Variants in DOCK1 observed in about 807,000 individuals in gnomAD.
DOCK1 encodes dedicator of cytokinesis protein 1.
Under a neutral mutation model 262.7 loss-of-function variants are expected in DOCK1, and 138 were observed. The ratio of observed to expected loss-of-function variants is 0.53; its 90% confidence interval spans 0.46 to 0.61. DOCK1 has a LOEUF of 0.61. Among genes scored for constraint, DOCK1 ranks in the 20% least tolerant of loss-of-function variants. The pLI is 0.00. For synonymous variants in DOCK1, 866 were observed against 867.4 expected (o/e 1.00, Z 0.03); for missense variants, 1,908 against 2,370.7 (o/e 0.80, Z 4.05).
At chr10:127,011,580 C>T (rs773922981) in intron 11 of DOCK1, among the ~76,000 whole-genome samples, 7 of 152,176 alleles carry the variant, frequency 4.6e-5, no homozygotes, top group African/African-American at 7.2e-5. Context: ...TCTCGTACAG[C>T]GCAGCATCTG....
chr10:126,998,085 T>A lies in DOCK1; in HGVS notation c.610-7T>A, dbSNP rs1554969092. On this transcript the variant is annotated splice_polypyrimidine_tract_variant and splice_region_variant and intron_variant, in intron 7 of 51. Coordinates refer to ENST00000623213, the MANE Select transcript of DOCK1 (RefSeq NM_001290223.2). ...GGGGTTGACTTTCTGTTTCCTTCCA[T>A]ACACAGTCTCAAAAGCAGAACATAG... is the stretch of plus-strand genomic sequence containing the variant. 1 of 1,613,972 alleles carries A rather than the reference T, an allele frequency of 6.2e-7. No individual in the cohort carries two copies. Among genetic ancestry groups the A allele is most frequent in the Non-Finnish European group, 8.5e-7 (1 of 1,179,858 alleles).
At chr10:127,190,928 G>A (rs183419204) in intron 27 of DOCK1, among the ~76,000 whole-genome samples, 8 of 151,910 alleles carry the variant, frequency 5.3e-5, no homozygotes, top group South Asian at 2.1e-4. Flanking sequence ...TAGTTATACC[G>A]CCTTAATCTT....
Position 127,262,133 on chromosome 10 carries a change from C to T in DOCK1, c.3044+4704C>T, listed in dbSNP as rs541915051. 2.4e-3 allele frequency among the ~76,000 whole-genome samples: 247 copies of T among 102,530 alleles called. 2 individuals are homozygous for T. The highest frequency in any genetic ancestry group is 8.8e-3 in the African/African-American group (221 of 25,188). The allele number at this position is 102,530 out of a possible 152,430, so 67.3% of individuals were successfully genotyped here. A position where few individuals can be genotyped will look rare whatever the true frequency, so the allele number is the denominator to read the frequency against. ...GCATGTGGGTGTGTGTGTGTGTACC[C>T]GTGCTCGTCTGTGTGTGTACCTGTA... is the stretch of plus-strand genomic sequence containing the variant. On this transcript the variant is annotated intron_variant, in intron 29 of 51. Coordinates refer to ENST00000623213, the MANE Select transcript of DOCK1 (RefSeq NM_001290223.2).
chr10:127,373,927 T>A, intron 34 of DOCK1, 61 bp downstream of exon 34: 1 of 1,556,320 alleles, frequency 6.4e-7, no homozygotes. Flanking sequence ...GAGACCGTAA[T>A]TAGACTACAA....
chr10:127,138,036 A>G (rs546571443), intron 27 of DOCK1: 1 of 1,590,004 alleles, frequency 6.3e-7, no homozygotes, highest in Non-Finnish European at 8.5e-7. Context: ...AAAGAGAGAG[A>G]GTGAAGACTT....
intron 25 of DOCK1, among the ~76,000 whole-genome samples, chr10:127,119,204 C>T (rs1298461523): frequency 2.0e-5 from 3 of 152,042 alleles, no homozygotes; most frequent in South Asian, 2.1e-4. Flanking sequence ...CCACCGTGGC[C>T]GACTAATTTT....
intron 13 of DOCK1, among the ~76,000 whole-genome samples, chr10:127,019,299 G>A (rs2042238609): frequency 6.6e-6 from 1 of 152,130 alleles, no homozygotes; most frequent in South Asian, 2.1e-4. Context: ...ACCGATAACA[G>A]GATTTGCGTG....
chr10:127,297,192 G>C (rs998625237), intron 29 of DOCK1, among the ~76,000 whole-genome samples: 7 of 152,192 alleles, frequency 4.6e-5, no homozygotes, highest in Non-Finnish European at 1.0e-4. Context: ...AATGGAGATG[G>C]AAGGAGGTGT....
chr10:127,369,615 A>G (rs1010592186), intron 33 of DOCK1, among the ~76,000 whole-genome samples: 1 of 152,346 alleles, frequency 6.6e-6, no homozygotes, highest in South Asian at 2.1e-4. Flanking sequence ...CACCTGTCTC[A>G]GGCATCAGCA....
At chr10:127,032,985 C>A (rs1255524293) in intron 18 of DOCK1, among the ~76,000 whole-genome samples, 1 of 152,176 alleles carries the variant, frequency 6.6e-6, no homozygotes, top group Non-Finnish European at 1.5e-5. Flanking sequence ...GGAATCGGAC[C>A]ATAGCCCTGT....
intron 50 of DOCK1, among the ~76,000 whole-genome samples, chr10:127,445,427 C>T (rs1246284178): frequency 2.0e-5 from 3 of 152,116 alleles, no homozygotes; most frequent in African/African-American, 7.2e-5. Flanking sequence ...GGAGTGGATG[C>T]GTGAGTCTAA....
intron 19 of DOCK1, among the ~76,000 whole-genome samples, chr10:127,042,366 G>GCCCCC (rs2044074858): frequency 1.3e-5 from 2 of 152,140 alleles, no homozygotes; most frequent in Non-Finnish European, 2.9e-5. Context: ...GGTTGGAAAG[G>GCCCCC]CCCCCTGGGG....
In DOCK1 at chr10:127,175,161, CTG is replaced by C. The variant is rs1259901797; in HGVS notation, c.2847+47400_2847+47401del. On this transcript the variant is annotated intron_variant, in intron 27 of 51. Coordinates refer to ENST00000623213, the MANE Select transcript of DOCK1 (RefSeq NM_001290223.2). The surrounding 1 kb of genome is among the most constrained non-coding windows in gnomAD (Gnocchi z 6.3). ...TTGGGTTTGGGGCTACAGATGGACT[CTG>C]TGGTGATCAGCCTGCATAGCTTCCT... 3 of 1,480,356 alleles carry C rather than the reference CTG, an allele frequency of 2.0e-6. No individual in the cohort carries two copies. The highest frequency in any genetic ancestry group is 1.8e-5 in the Admixed American group (1 of 56,036). The allele number at this position is 1,480,356 out of a possible 1,614,324, so 91.7% of individuals were successfully genotyped here. A position where few individuals can be genotyped will look rare whatever the true frequency, so the allele number is the denominator to read the frequency against.
At chr10:127,064,871 G>T (rs1368785365) in intron 23 of DOCK1, among the ~76,000 whole-genome samples, 1 of 152,148 alleles carries the variant, frequency 6.6e-6, no homozygotes, top group African/African-American at 2.4e-5. Context: ...TTTCCAAACT[G>T]AATGGAACTC....
At chr10:127,418,694 G>A (rs949401836) in intron 45 of DOCK1, among the ~76,000 whole-genome samples, 153 bp downstream of exon 45, 2 of 152,286 alleles carry the variant, frequency 1.3e-5, no homozygotes, top group Admixed American at 6.5e-5. Flanking sequence ...AGCCAGTGGC[G>A]GCCCCTGAAG....
At chr10:126,982,609 T>C (rs150193573) in intron 4 of DOCK1, among the ~76,000 whole-genome samples, 279 of 152,334 alleles carry the variant, frequency 1.8e-3, no homozygotes, top group Admixed American at 3.2e-3. Flanking sequence ...AATTATAAAA[T>C]TACTAATCAT....
chr10:126,936,112 T>C (rs1206385662), intron 1 of DOCK1, among the ~76,000 whole-genome samples: 2 of 152,154 alleles, frequency 1.3e-5, no homozygotes, highest in African/African-American at 4.8e-5. Flanking sequence ...TCCCCAGTAA[T>C]TGGGACTACA....
rs902150001 is a variant in DOCK1 at position 127,204,998 on chromosome 10, T to C, written c.2848-43010T>C. Among the ~76,000 whole-genome samples the C allele has an allele frequency of 2.2e-4, 33 of 152,170 alleles. 1 individual carries two copies. The highest frequency in any genetic ancestry group is 2.1e-3 in the Admixed American group (32 of 15,288). The stretch of plus-strand genomic sequence containing the variant: ...CCTTTCATTACCATGCCTTGGGCTA[T>C]CTGAGCTGGATGCCCCTAAGTTCTA... On this transcript the variant is annotated intron_variant, in intron 27 of 51. Coordinates refer to ENST00000623213, the MANE Select transcript of DOCK1 (RefSeq NM_001290223.2).
chr10:127,269,325 A>T (rs2060481259), intron 29 of DOCK1, among the ~76,000 whole-genome samples: 1 of 152,148 alleles, frequency 6.6e-6, no homozygotes, highest in African/African-American at 2.4e-5. Context: ...CTGAGAATTG[A>T]GCCCACAGGT....
Sources: allele counts gnomAD v4.1 joint callset (sites outside exome capture counted in the v4.1 genomes callset), GRCh38; gene constraint gnomAD v4.1.1; non-coding constraint Gnocchi (gnomAD v3.1); transcripts MANE v1.5; gene names NCBI Gene and HGNC (gene_info 2026-07-23, HGNC 2026-07-21).